CSMD1: variants seen among roughly 807,000 people sequenced by gnomAD.
The protein encoded by CSMD1 is CUB and Sushi multiple domains 1.
Under a neutral mutation model 417.5 loss-of-function variants are expected in CSMD1, and 213 were observed. The observed-to-expected ratio is 0.51, with a 90% CI of 0.46 to 0.57. The LOEUF (loss-of-function observed/expected upper bound fraction) is 0.57, where lower values mean the gene tolerates loss of function less well. Among genes scored for constraint, CSMD1 ranks in the 20% least tolerant of loss-of-function variants. CSMD1 has a pLI of 0.00. For missense variants in CSMD1, 6,923 were observed against 4,529.7 expected, an observed-to-expected ratio of 1.53 and a Z score of -15.17; for synonymous variants, 2,862 against 1,736.8, an observed-to-expected ratio of 1.65 and a Z score of -16.11.
chr8:3,556,803 G>A (rs543670435), intron 10 of CSMD1, among the ~76,000 whole-genome samples: 106 of 152,188 alleles, frequency 7.0e-4, no homozygotes, highest in African/African-American at 2.4e-3. Context: ...CAAAAGAGGC[G>A]ACCTTGGTGG....
intron 11 of CSMD1, among the ~76,000 whole-genome samples, chr8:3,476,912 CAAA>C (rs761021655): frequency 0.5 from 62,858 of 126,592 alleles, 15,397 homozygotes; most frequent in Middle Eastern, 0.61. Context: ...AACTCCGCCT[CAAA>C]AAAAAAAAAA....
intron 54 of CSMD1, among the ~76,000 whole-genome samples, chr8:2,988,878 T>G (rs1308444609): frequency 1.3e-5 from 2 of 152,128 alleles, no homozygotes; most frequent in Non-Finnish European, 2.9e-5. Flanking sequence ...GTGAGGTGGA[T>G]GTTGTAGAAA....
At chr8:3,709,680 GTTTT>G (rs56272726) in intron 6 of CSMD1, among the ~76,000 whole-genome samples, 36 of 33,698 alleles carry the variant, frequency 1.1e-3, no homozygotes, top group South Asian at 1.9e-3. Flanking sequence ...GCAGCAGCAT[GTTTT>G]TTTTTTTTTT....
At chr8:4,705,963 G>T (rs190116065) in intron 1 of CSMD1, among the ~76,000 whole-genome samples, 1 of 151,640 alleles carries the variant, frequency 6.6e-6, no homozygotes, top group African/African-American at 2.4e-5. Flanking sequence ...CAAACCTCTG[G>T]ATAAATGCTT....
chr8:4,042,550 G>C (rs1009573890), intron 3 of CSMD1, among the ~76,000 whole-genome samples: 3 of 152,044 alleles, frequency 2.0e-5, no homozygotes, highest in Non-Finnish European at 2.9e-5. Flanking sequence ...ATATTAAAAT[G>C]AGTCATTCCA....
At chr8:3,419,358 G>A (rs951601138) in intron 12 of CSMD1, among the ~76,000 whole-genome samples, 1 of 152,104 alleles carries the variant, frequency 6.6e-6, no homozygotes, top group Admixed American at 6.6e-5. Flanking sequence ...TGAAAATGAA[G>A]GATGAAGGTG....
At chr8:3,438,991 TG>T (rs1814759431) in intron 12 of CSMD1, among the ~76,000 whole-genome samples, 1 of 150,582 alleles carries the variant, frequency 6.6e-6, no homozygotes, top group African/African-American at 2.4e-5. Context: ...AGTGGGCACC[TG>T]TAATCCCAAA....
Position 3,533,925 on chromosome 8 carries a change from A to C in CSMD1, c.1345-40199T>G, listed in dbSNP as rs79644610. Among the ~76,000 whole-genome samples, 2,563 of 152,334 alleles carry C rather than the reference A, an allele frequency of 0.017. 149 individuals carry two copies. The East Asian group carries it at 0.19, about 12-fold the overall frequency. ...CATTCACCAAGAATCCCTTTGGTCC[A>C]CCAATCACATGAACTCTCTAAGGAT... On this transcript the variant is annotated intron_variant, in intron 10 of 69. Transcript: ENST00000635120.
At position 4,126,431 on chromosome 8, in the gene CSMD1, G is replaced by A. The variant is rs187896026; in HGVS notation, c.416-94332C>T. Among the ~76,000 whole-genome samples the A allele has an allele frequency of 3.9e-5, 6 of 152,288 alleles. No individual in the cohort carries two copies. In the East Asian group the frequency reaches 1.2e-3, roughly 29 times the overall value. ...CATCACAGGACAGCACCCTAGCGAA[G>A]ACACAAACCAACATAGTAACATAGA... On this transcript the variant is annotated intron_variant, in intron 3 of 69. Coordinates refer to ENST00000635120, the MANE Select transcript of CSMD1 (RefSeq NM_033225.6).
intron 5 of CSMD1, among the ~76,000 whole-genome samples, chr8:3,963,165 C>A (rs1352139267): frequency 1.3e-5 from 2 of 152,140 alleles, no homozygotes; most frequent in Admixed American, 6.6e-5. Context: ...CTCCTGACCT[C>A]CAGTAACCCT....
At chr8:4,673,619 T>G (rs1223206252) in intron 1 of CSMD1, among the ~76,000 whole-genome samples, 4 of 152,140 alleles carry the variant, frequency 2.6e-5, no homozygotes, top group Non-Finnish European at 5.9e-5. Context: ...CTACCTCTAT[T>G]CTAGGAATCA....
intron 3 of CSMD1, among the ~76,000 whole-genome samples, chr8:4,336,210 G>T (rs182268037): frequency 6.6e-6 from 1 of 152,296 alleles, no homozygotes; most frequent in East Asian, 1.9e-4. Context: ...AATGCAGGTA[G>T]TATGAATGCA....
At chr8:4,028,861 A>G (rs191840433) in intron 4 of CSMD1, among the ~76,000 whole-genome samples, 16 of 152,342 alleles carry the variant, frequency 1.1e-4, no homozygotes, top group Admixed American at 2.6e-4. Flanking sequence ...TACTCAAAAG[A>G]TAAATTTTTC....
At position 4,267,368 on chromosome 8, in the gene CSMD1, G is replaced by A. The variant is rs1464769683; in HGVS notation, c.415+152585C>T. Among the ~76,000 whole-genome samples, 4 of 117,058 alleles carry A rather than the reference G, an allele frequency of 3.4e-5. 1 individual carries two copies. The highest frequency in any genetic ancestry group is 3.4e-4 in the Admixed American group (4 of 11,938). The allele number at this position is 117,058 out of a possible 152,430, so 76.8% of individuals were successfully genotyped here. A position where few individuals can be genotyped will look rare whatever the true frequency, so the allele number is the denominator to read the frequency against. ...AAAAGTAACAATAAGAGTTTAAAAG[G>A]GAGTCTTAGGATTAACTATGAACTC... On this transcript the variant is annotated intron_variant, in intron 3 of 69. Coordinates refer to ENST00000635120, the MANE Select transcript of CSMD1 (RefSeq NM_033225.6).
intron 1 of CSMD1, among the ~76,000 whole-genome samples, chr8:4,699,040 G>C (rs185183996): frequency 1.3e-5 from 2 of 151,910 alleles, no homozygotes; most frequent in East Asian, 1.9e-4. Flanking sequence ...CTTAAAGCTT[G>C]TCCACAGTTT....
At chr8:3,685,727 C>G (rs1401591401) in intron 7 of CSMD1, among the ~76,000 whole-genome samples, 1 of 119,676 alleles carries the variant, frequency 8.4e-6, no homozygotes, top group Non-Finnish European at 1.8e-5. Flanking sequence ...GGGTCAATTT[C>G]TTTCTTTTTT....
chr8:3,590,881 C>T, intron 8 of CSMD1, among the ~76,000 whole-genome samples: 1 of 152,288 alleles, frequency 6.6e-6, no homozygotes, highest in Non-Finnish European at 1.5e-5. Context: ...AGTTCAATTT[C>T]CAAGCCATGT....
chr8:3,366,466 C>A (rs1809572790), intron 20 of CSMD1, among the ~76,000 whole-genome samples: 1 of 152,096 alleles, frequency 6.6e-6, no homozygotes, highest in Admixed American at 6.6e-5. Flanking sequence ...GTAACATAAA[C>A]CTTATGCAAA....
chr8:2,939,724 C>G (rs599814), intron 69 of CSMD1, among the ~76,000 whole-genome samples: 3 of 152,104 alleles, frequency 2.0e-5, no homozygotes, highest in Non-Finnish European at 2.9e-5. Context: ...AAGAGAAGTA[C>G]GTGGCACATG....
Sources: allele counts gnomAD v4.1 joint callset (sites outside exome capture counted in the v4.1 genomes callset), GRCh38; gene constraint gnomAD v4.1.1; transcripts MANE v1.5; gene names NCBI Gene and HGNC (gene_info 2026-07-23, HGNC 2026-07-21).